The following RASAL2 variants were observed in gnomAD, a reference collection of about 807,000 sequenced individuals.
The protein encoded by RASAL2 is ras GTPase-activating protein nGAP.
A neutral mutation model predicts 128.9 loss-of-function variants in RASAL2; 58 were observed. The ratio of observed to expected loss-of-function variants is 0.45; its 90% CI spans 0.36 to 0.56. The LOEUF (loss-of-function observed/expected upper bound fraction) is 0.56, where lower values mean the gene tolerates loss of function less well. Among genes scored for constraint, RASAL2 ranks in the 20% least tolerant of loss-of-function variants. The probability of loss-of-function intolerance (pLI) is 0.00; values close to 1 mark genes in which losing one functional copy is unlikely to be tolerated. For synonymous variants in RASAL2, 561 were observed against 580.8 expected, an observed-to-expected ratio of 0.97 and a Z score of 0.49; for missense variants, 1,360 against 1,601.6, an observed-to-expected ratio of 0.85 and a Z score of 2.57.
intron 1 of RASAL2, among the ~76,000 whole-genome samples, chr1:178,173,969 A>G (rs1213056217): frequency 2.0e-5 from 3 of 151,104 alleles, no homozygotes; most frequent in Non-Finnish European, 2.9e-5. Context: ...CCTCCCCACT[A>G]TTAGTTATTT....
chr1:178,408,145 A>C (rs1321727346), intron 4 of RASAL2, among the ~76,000 whole-genome samples: 1 of 152,206 alleles, frequency 6.6e-6, no homozygotes, highest in Non-Finnish European at 1.5e-5. Flanking sequence ...TGAGCTTTTT[A>C]CTATTTTTAA....
Position 178,377,593 on chromosome 1 carries a change from T to C in RASAL2, c.458-12507T>C, listed in dbSNP as rs115092733. Among the ~76,000 whole-genome samples, 478 of 152,232 alleles carry C rather than the reference T, an allele frequency of 3.1e-3. 2 individuals carry two copies. The highest frequency in any genetic ancestry group is 0.011 in the African/African-American group (454 of 41,562). On this transcript the variant is annotated intron_variant, in intron 3 of 17. Transcript: ENST00000367649. ...TCATTCTTCCCCATAGGACTGGGCC[T>C]CTGAATGAGTTACACCTTCAGTGAG... is the stretch of plus-strand genomic sequence containing the variant.
chr1:178,205,542 G>A (rs574231823), intron 1 of RASAL2, among the ~76,000 whole-genome samples: 46 of 151,962 alleles, frequency 3.0e-4, no homozygotes, highest in African/African-American at 9.4e-4. Flanking sequence ...TGATCACGAC[G>A]TCAGGAGATC....
chr1:178,096,463 T>TG (rs1658687137), intron 1 of RASAL2, among the ~76,000 whole-genome samples: 1 of 47,858 alleles, frequency 2.1e-5, no homozygotes, highest in Non-Finnish European at 4.9e-5. Flanking sequence ...TATTGTATAT[T>TG]TTGTGTGTGT....
At chr1:178,110,200 CCAGCCTAA>C (rs1659244400) in intron 1 of RASAL2, among the ~76,000 whole-genome samples, 1 of 152,070 alleles carries the variant, frequency 6.6e-6, no homozygotes, top group African/African-American at 2.4e-5. Context: ...CCCCCTTTCC[CCAGCCTAA>C]CACTAGACAG....
At chr1:178,344,592 A>G (rs1188952066) in intron 3 of RASAL2, among the ~76,000 whole-genome samples, 1 of 151,342 alleles carries the variant, frequency 6.6e-6, no homozygotes, top group Non-Finnish European at 1.5e-5. Context: ...TTTGTTACAG[A>G]CTCTTTTTGT....
chr1:178,478,343 A>G lies in RASAL2; in HGVS notation c.*5104A>G, dbSNP rs1016948853. The G allele has an allele frequency of 1.3e-5, 2 of 152,252 alleles. No homozygotes were observed. Among genetic ancestry groups the G allele is most frequent in the African/African-American group, 4.8e-5 (2 of 41,474 alleles). The allele number at this position is 152,252 out of a possible 1,614,324, so 9.4% of individuals were successfully genotyped here. A position where few individuals can be genotyped will look rare whatever the true frequency, so the allele number is the denominator to read the frequency against. On this transcript the variant is annotated 3_prime_UTR_variant, in exon 18 of 18. Transcript: ENST00000367649. ...TTCCCAGTTCAACAAAAGGTTAAAT[A>G]CTAATTGACTCAATGACCACCTTCA...
At chr1:178,114,125 T>G (rs1382775542) in intron 1 of RASAL2, among the ~76,000 whole-genome samples, 2 of 152,112 alleles carry the variant, frequency 1.3e-5, no homozygotes, top group African/African-American at 4.8e-5. Flanking sequence ...GAGGATCATA[T>G]TGTCTGCAAA....
At chr1:178,313,729 G>A (rs1380573435) in intron 3 of RASAL2, among the ~76,000 whole-genome samples, 2 of 152,098 alleles carry the variant, frequency 1.3e-5, no homozygotes, top group Non-Finnish European at 2.9e-5. Context: ...CGACAGGTGG[G>A]TTTCACACTA....
intron 3 of RASAL2, among the ~76,000 whole-genome samples, chr1:178,321,015 C>A (rs1444471251): frequency 1.3e-5 from 2 of 152,194 alleles, no homozygotes; most frequent in African/African-American, 2.4e-5. Context: ...AGTTTTGACA[C>A]GTTAGTGGCT....
At chr1:178,124,647 A>G (rs891074585) in intron 1 of RASAL2, among the ~76,000 whole-genome samples, 44 of 152,132 alleles carry the variant, frequency 2.9e-4, no homozygotes, top group Non-Finnish European at 1.8e-4. Context: ...TTTTGATTAA[A>G]CCTAAGTTTT....
At chr1:178,167,192 G>T (rs780236517) in intron 1 of RASAL2, among the ~76,000 whole-genome samples, 18 of 152,160 alleles carry the variant, frequency 1.2e-4, no homozygotes, top group Non-Finnish European at 2.1e-4. Context: ...TAGGTTTTGT[G>T]TCTTATGCTA....
At chr1:178,138,911 G>C (rs1432324784) in intron 1 of RASAL2, among the ~76,000 whole-genome samples, 1 of 151,986 alleles carries the variant, frequency 6.6e-6, no homozygotes, top group Non-Finnish European at 1.5e-5. Context: ...AAATATAACA[G>C]TGATTGGCTG....
At chr1:178,422,351 A>G (rs1171648108) in intron 5 of RASAL2, among the ~76,000 whole-genome samples, 2 of 152,018 alleles carry the variant, frequency 1.3e-5, no homozygotes, top group Non-Finnish European at 2.9e-5. Flanking sequence ...TGTGACTTTT[A>G]TAATGTTAAT....
chr1:178,275,233 T>C (rs914877196), intron 1 of RASAL2, among the ~76,000 whole-genome samples: 2 of 152,244 alleles, frequency 1.3e-5, no homozygotes, highest in Non-Finnish European at 2.9e-5. Flanking sequence ...CCGGTTTGAA[T>C]GCAGTGGCTA....
chr1:178,400,676 G>GA (rs1468178078), intron 4 of RASAL2, among the ~76,000 whole-genome samples: 1 of 152,046 alleles, frequency 6.6e-6, no homozygotes, highest in Non-Finnish European at 1.5e-5. Flanking sequence ...TCATATATCA[G>GA]AAAATCATAT....
chr1:178,127,403 C>CT (rs1431549559), intron 1 of RASAL2, among the ~76,000 whole-genome samples: 1 of 152,110 alleles, frequency 6.6e-6, no homozygotes, highest in Non-Finnish European at 1.5e-5. Flanking sequence ...TTGCAATCCT[C>CT]TTTTTTCCTG....
chr1:178,444,394 T>C (rs1676860409), intron 8 of RASAL2, among the ~76,000 whole-genome samples: 1 of 152,154 alleles, frequency 6.6e-6, no homozygotes, highest in African/African-American at 2.4e-5. Flanking sequence ...TTAATAGTGA[T>C]TCCTAAGTCT....
chr1:178,317,642 C>A (rs1303572240), intron 3 of RASAL2, among the ~76,000 whole-genome samples: 1 of 148,140 alleles, frequency 6.8e-6, no homozygotes, highest in African/African-American at 2.5e-5. Context: ...GGTGATATCC[C>A]CTTTATCATT....
Sources: allele counts gnomAD v4.1 joint callset (sites outside exome capture counted in the v4.1 genomes callset), GRCh38; gene constraint gnomAD v4.1.1; transcripts MANE v1.5; gene names NCBI Gene and HGNC (gene_info 2026-07-23, HGNC 2026-07-21).